Variants in ANO1 observed in about 807,000 individuals in gnomAD.
ANO1 encodes the protein anoctamin 1.
ANO1 carries 59 observed loss-of-function variants against 124.0 expected under a neutral mutation model. The ratio of observed to expected loss-of-function variants is 0.48; its 90% confidence interval spans 0.39 to 0.59. The LOEUF (loss-of-function observed/expected upper bound fraction) is 0.59, where lower values mean the gene tolerates loss of function less well. Among genes scored for constraint, ANO1 ranks in the 20% least tolerant of loss-of-function variants. The pLI, the probability that ANO1 is intolerant of heterozygous loss-of-function variation, is 0.00. For synonymous variants in ANO1, 529 were observed against 532.0 expected (o/e 0.99, Z 0.08); for missense variants, 1,059 against 1,328.0 (o/e 0.80, Z 3.15).
intron 1 of ANO1, chr11:70,015,782 T>C (rs150469356): frequency 6.6e-6 from 1 of 152,398 alleles, no homozygotes; most frequent in East Asian, 1.9e-4. Context: ...GGTCCTCGGA[T>C]ACGTCATCCT....
chr11:70,040,299 T>C (rs1857163212), intron 1 of ANO1, among the ~76,000 whole-genome samples: 1 of 151,508 alleles, frequency 6.6e-6, no homozygotes, highest in South Asian at 2.1e-4. Context: ...GGTTTTGATG[T>C]GCAGCAAGAG....
intron 22 of ANO1, among the ~76,000 whole-genome samples, chr11:70,175,147 G>A (rs1352218436): frequency 2.0e-5 from 3 of 152,220 alleles, no homozygotes; most frequent in African/African-American, 7.2e-5. Context: ...CAGCAGCTCA[G>A]TGGCCCTGGC....
At chr11:69,984,850 G>T (rs1322717142), upstream of ANO1, among the ~76,000 whole-genome samples, 7 of 152,226 alleles carry the variant, frequency 4.6e-5, no homozygotes, top group African/African-American at 1.7e-4. Flanking sequence ...CCTTTCAAAA[G>T]ATGAGGCGGC....
rs554399626 is a variant in ANO1, at chr11:70,096,097, G to T, written c.442-6969G>T. ...GGTTCTCCTCCCGGGGCTGTCTCTT[G>T]CCCTGGTGGGGGCGGGTCTGCTTCG... On this transcript the variant is annotated intron_variant, in intron 2 of 25. Transcript: ENST00000355303. Among the ~76,000 whole-genome samples, 6 of 152,298 alleles carry T rather than the reference G, an allele frequency of 3.9e-5. No individual in the cohort carries two copies. In the South Asian group the frequency reaches 1.2e-3, roughly 32 times the overall value.
chr11:70,023,519 C>A (rs1027369449), intron 1 of ANO1, among the ~76,000 whole-genome samples: 2 of 152,124 alleles, frequency 1.3e-5, no homozygotes, highest in Non-Finnish European at 2.9e-5. Context: ...GGAGTAGGGG[C>A]ACTTTCTTTA....
the ANO1 span, among the ~76,000 whole-genome samples, chr11:69,967,305 G>T: frequency 6.8e-6 from 1 of 146,108 alleles, no homozygotes; most frequent in African/African-American, 2.7e-5. Flanking sequence ...CGCCTGTATC[G>T]CACATTAGCT....
chr11:70,161,831 G>GCCTGGGATGGGTCTGTTTGCCCCAGA, intron 18 of ANO1, 98 bp downstream of exon 18: 1 of 1,209,972 alleles, frequency 8.3e-7, no homozygotes. Flanking sequence ...GCCCAGGGCA[G>GCCTGGGATGGGTCTGTTTGCCCCAGA]GGCAGACACC....
At position 70,152,430 on chromosome 11, in the gene ANO1, A is replaced by C; in HGVS notation, c.1342-20A>C. ...ATGACATCTTTGTGTTTTTGTTTTT[A>C]CTTTTCTGGTTCCCTGAAGGAGGCT... On this transcript the variant is annotated intron_variant, in intron 12 of 25. Coordinates refer to ENST00000355303, the MANE Select transcript of ANO1 (RefSeq NM_018043.7). 6.9e-6 allele frequency: 11 copies of C among 1,604,418 alleles called. No individual in the cohort carries two copies. Among genetic ancestry groups the C allele is most frequent in the Non-Finnish European group, 9.4e-6 (11 of 1,174,964 alleles).
At chr11:70,108,187 G>C (rs945804589) in intron 5 of ANO1, 166 bp from the exon 6 acceptor site, 1 of 588,070 alleles carries the variant, frequency 1.7e-6, no homozygotes. Context: ...TCCGGAGCTG[G>C]GTCAACCCTC....
chr11:70,148,523 C>A (rs1012861347), intron 11 of ANO1, among the ~76,000 whole-genome samples: 1 of 152,170 alleles, frequency 6.6e-6, no homozygotes, highest in African/African-American at 2.4e-5. Context: ...AGGCAACGGC[C>A]CTGTCCTGGA....
At chr11:70,168,645 A>G (rs899809767) in intron 21 of ANO1, among the ~76,000 whole-genome samples, 2 of 152,132 alleles carry the variant, frequency 1.3e-5, no homozygotes, top group African/African-American at 4.8e-5. Context: ...GGGGGGTCCC[A>G]GCATGCAGTG....
intron 1 of ANO1, chr11:70,021,046 C>T (rs1856798118): frequency 6.6e-6 from 1 of 152,138 alleles, no homozygotes; most frequent in African/African-American, 2.4e-5. Context: ...TGTGGGAATT[C>T]ATATTTCTTC....
At chr11:70,149,823 C>A in intron 12 of ANO1, 31 bp downstream of exon 12, 1 of 1,607,750 alleles carries the variant, frequency 6.2e-7, no homozygotes, top group Non-Finnish European at 8.5e-7. Flanking sequence ...GCATATCACG[C>A]CCTTCCCCCA....
At chr11:70,007,902 C>A (rs1193250676) in intron 1 of ANO1, among the ~76,000 whole-genome samples, 1 of 152,148 alleles carries the variant, frequency 6.6e-6, no homozygotes, top group East Asian at 1.9e-4. Flanking sequence ...CTCATCCAAA[C>A]GTGTTATTTT....
At chr11:69,974,509 C>G in the ANO1 span, among the ~76,000 whole-genome samples, 3 of 152,160 alleles carry the variant, frequency 2.0e-5, no homozygotes, top group Non-Finnish European at 2.9e-5. Flanking sequence ...GGCGTCTGCC[C>G]AAGACGGCTG....
chr11:70,035,644 C>T (rs1555004323), intron 1 of ANO1, among the ~76,000 whole-genome samples: 4 of 151,928 alleles, frequency 2.6e-5, no homozygotes. Context: ...AAGTTTTAAG[C>T]CCTGCATGCA....
At chr11:70,063,910 CT>C (rs782521700) in intron 1 of ANO1, 1 of 152,142 alleles carries the variant, frequency 6.6e-6, no homozygotes, top group Non-Finnish European at 1.5e-5. Flanking sequence ...TTTGATTCCT[CT>C]TTCTTTTTTA....
intron 1 of ANO1, among the ~76,000 whole-genome samples, chr11:70,036,977 C>T (rs1449829931): frequency 6.6e-6 from 1 of 152,222 alleles, no homozygotes; most frequent in Non-Finnish European, 1.5e-5. Flanking sequence ...TGTCTGTGTG[C>T]TCAACATCTC....
Position 70,145,943 on chromosome 11 carries a change from CA to C in ANO1, c.1259-3745del, listed in dbSNP as rs10589426. The stretch of plus-strand genomic sequence containing the variant: ...CGGAGAGAGACTCCTTCTCAAAAAA[CA>C]AAAAAAAAAAAAAAAAAAAAAGAAA... On this transcript the variant is annotated intron_variant, in intron 11 of 25. Transcript: ENST00000355303. Among the ~76,000 whole-genome samples, 527 of 108,632 alleles carry C rather than the reference CA, an allele frequency of 4.9e-3. 3 individuals are homozygous for C. The highest frequency in any genetic ancestry group is 0.012 in the African/African-American group (356 of 28,796). 71.3% of individuals were successfully genotyped at this position (108,632 alleles called of 152,430 possible). A position where few individuals can be genotyped will look rare whatever the true frequency, so the allele number is the denominator to read the frequency against.
Sources: allele counts gnomAD v4.1 joint callset (sites outside exome capture counted in the v4.1 genomes callset), GRCh38; gene constraint gnomAD v4.1.1; transcripts MANE v1.5; gene names NCBI Gene and HGNC (gene_info 2026-07-23, HGNC 2026-07-21).